PTCHD4: variants seen among roughly 807,000 people sequenced by gnomAD.
PTCHD4 encodes patched domain containing 4, also known as patched domain-containing protein 4.
PTCHD4 carries 33 observed loss-of-function variants against 58.1 expected under a neutral mutation model. That is an observed-to-expected ratio of 0.57 (90% CI 0.43 to 0.76). The LOEUF (loss-of-function observed/expected upper bound fraction) is 0.76. Among genes scored for constraint, PTCHD4 ranks in the 30% least tolerant of loss-of-function variants. The pLI, the probability that PTCHD4 is intolerant of heterozygous loss-of-function variation, is 0.00. For missense variants in PTCHD4, 1,058 were observed against 1,027.1 expected (o/e 1.03, Z -0.41); for synonymous variants, 478 against 409.6 (o/e 1.17, Z -2.02).
chr6:48,050,037 G>A (rs1764174961), intron 3 of PTCHD4, among the ~76,000 whole-genome samples: 1 of 151,808 alleles, frequency 6.6e-6, no homozygotes, highest in Non-Finnish European at 1.5e-5. Context: ...ATGAAAACTA[G>A]GTATCAACAT....
intron 4 of PTCHD4, among the ~76,000 whole-genome samples, chr6:47,967,192 A>T (rs1176103253): frequency 6.6e-6 from 1 of 152,220 alleles, no homozygotes; most frequent in Non-Finnish European, 1.5e-5. Flanking sequence ...TAAGCATACA[A>T]ACAATAATCA....
intron 1 of PTCHD4, among the ~76,000 whole-genome samples, chr6:48,097,265 CA>C (rs1289875218): frequency 2.0e-5 from 3 of 151,908 alleles, no homozygotes; most frequent in African/African-American, 4.8e-5. Flanking sequence ...AAATAATTAA[CA>C]GATCTTTTTA....
intron 4 of PTCHD4, among the ~76,000 whole-genome samples, chr6:47,921,169 A>G (rs1765420427): frequency 1.3e-5 from 2 of 152,214 alleles, no homozygotes. Context: ...CACTGCTTCA[A>G]GATAGTTATT....
At chr6:48,080,033 G>C (rs1466099194) in intron 1 of PTCHD4, among the ~76,000 whole-genome samples, 1 of 121,044 alleles carries the variant, frequency 8.3e-6, no homozygotes, top group Admixed American at 1.1e-4. Context: ...TGAGAGGAAA[G>C]AAATAGAAGA....
intron 1 of PTCHD4, among the ~76,000 whole-genome samples, chr6:48,089,565 GATT>G (rs1765325765): frequency 6.6e-6 from 1 of 152,148 alleles, no homozygotes; most frequent in African/African-American, 2.4e-5. Context: ...CTAATGTATA[GATT>G]ATTGTTTTAA....
chr6:48,014,608 C>G (rs953747676), intron 3 of PTCHD4, among the ~76,000 whole-genome samples: 6 of 152,038 alleles, frequency 3.9e-5, no homozygotes, highest in Non-Finnish European at 7.4e-5. Context: ...CAAATGTTTA[C>G]ATAATAATTA....
rs1763637045 is a variant in PTCHD4 at position 48,036,365 on chromosome 6, G to C, written c.418-27251C>G. Among the ~76,000 whole-genome samples, 3 of 152,076 alleles carry C rather than the reference G, an allele frequency of 2.0e-5. No individual in the cohort carries two copies. In the South Asian group the frequency reaches 6.2e-4, roughly 32 times the overall value. On this transcript the variant is annotated intron_variant, in intron 3 of 4. Coordinates refer to ENST00000339488, the MANE Select transcript of PTCHD4 (RefSeq NM_001384253.1). ...CTCATCCACAGTTTCACATTGTGCA[G>C]TTTCAGTTTCCTGTGGTCAAGTATG...
chr6:47,913,606 T>C (rs1239770487), intron 4 of PTCHD4, among the ~76,000 whole-genome samples: 1 of 152,116 alleles, frequency 6.6e-6, no homozygotes, highest in Non-Finnish European at 1.5e-5. Context: ...GTTAGATTGG[T>C]GTAGATAAAA....
intron 3 of PTCHD4, among the ~76,000 whole-genome samples, chr6:48,017,898 G>C (rs1443942483): frequency 2.0e-5 from 3 of 152,252 alleles, no homozygotes; most frequent in East Asian, 1.9e-4. Context: ...GCCTTGCTTA[G>C]AGTCCCAAAC....
chr6:47,864,086 A>G lies in PTCHD4; in HGVS notation c.*14217T>C, dbSNP rs958025684. On this transcript the variant is annotated 3_prime_UTR_variant, in exon 5 of 5. Coordinates refer to ENST00000339488, the MANE Select transcript of PTCHD4 (RefSeq NM_001384253.1). The stretch of plus-strand genomic sequence containing the variant: ...CTGTTCACAAACTTAGATTTCAGAG[A>G]TTTTCAAAGTCCAAGTGTGGTTCCT... 2.0e-5 allele frequency among the ~76,000 whole-genome samples: 3 copies of G among 151,900 alleles called. No individual in the cohort carries two copies. Among genetic ancestry groups the G allele is most frequent in the African/African-American group, 4.8e-5 (2 of 41,406 alleles).
At chr6:48,046,754 A>G (rs1280428701) in intron 3 of PTCHD4, among the ~76,000 whole-genome samples, 1 of 151,876 alleles carries the variant, frequency 6.6e-6, no homozygotes, top group Non-Finnish European at 1.5e-5. Context: ...TTCAAATAAA[A>G]TAAAATGCAC....
intron 4 of PTCHD4, among the ~76,000 whole-genome samples, chr6:47,921,503 C>T (rs1353784714): frequency 6.6e-6 from 1 of 152,164 alleles, no homozygotes; most frequent in African/African-American, 2.4e-5. Context: ...ATATTTCTCA[C>T]TCTCTTTTGC....
chr6:47,897,677 G>C (rs1764565529), intron 4 of PTCHD4, among the ~76,000 whole-genome samples: 1 of 152,102 alleles, frequency 6.6e-6, no homozygotes, highest in Non-Finnish European at 1.5e-5. Flanking sequence ...GCTTTACCAA[G>C]GACTTTGGGC....
chr6:47,879,916 A>T lies in PTCHD4; in HGVS notation c.919T>A (p.Phe307Ile). 1 of 1,559,468 alleles carries T rather than the reference A, an allele frequency of 6.4e-7. No homozygotes were observed. The highest frequency in any genetic ancestry group is 1.2e-5 in the South Asian group (1 of 84,672). Residue 307 changes from phenylalanine to isoleucine, a missense_variant, in exon 5 of 5, where the codon TTT becomes ATT. By Grantham distance (21) the Phe-to-Ile change is conservative (BLOSUM62 0). Coordinates refer to ENST00000339488, the MANE Select transcript of PTCHD4 (RefSeq NM_001384253.1). Reference protein sequence around the residue: ...FAMGHGTKGVFELLSGWRRTK... With the variant: ...FAMGHGTKGVIELLSGWRRTK... ...CTCCGCCATCCGGACAGAAGCTCAA[A>T]CACTCCTTTAGTTCCATGACCTAAT... is the stretch of plus-strand genomic sequence containing the variant.
At chr6:48,064,258 A>G (rs12196066) in intron 3 of PTCHD4, among the ~76,000 whole-genome samples, 10,923 of 152,202 alleles carry the variant, frequency 0.072, 447 homozygotes, top group South Asian at 0.097. Flanking sequence ...TGCAGCTAAA[A>G]TAAAGAACTG....
At chr6:47,915,172 G>T (rs891417343) in intron 4 of PTCHD4, among the ~76,000 whole-genome samples, 9 of 152,002 alleles carry the variant, frequency 5.9e-5, no homozygotes, top group African/African-American at 1.9e-4. Flanking sequence ...CCATAAAAAG[G>T]GTTGCCTCAG....
intron 4 of PTCHD4, among the ~76,000 whole-genome samples, chr6:47,976,048 G>A (rs935688849): frequency 1.3e-5 from 2 of 152,058 alleles, no homozygotes; most frequent in African/African-American, 2.4e-5. Context: ...AATTGCTTAT[G>A]TTTTCTGCTT....
chr6:47,992,225 T>C (rs916527574), intron 4 of PTCHD4, among the ~76,000 whole-genome samples: 5 of 152,156 alleles, frequency 3.3e-5, no homozygotes, highest in Admixed American at 3.3e-4. Flanking sequence ...AACACCACTT[T>C]ATGCTGATAA....
At chr6:47,984,891 G>A (rs1370385822) in intron 4 of PTCHD4, among the ~76,000 whole-genome samples, 1 of 152,010 alleles carries the variant, frequency 6.6e-6, no homozygotes, top group Non-Finnish European at 1.5e-5. Context: ...TATAAGTCAA[G>A]ATTTTATGTA....
Sources: allele counts gnomAD v4.1 joint callset (sites outside exome capture counted in the v4.1 genomes callset), GRCh38; gene constraint gnomAD v4.1.1; transcripts MANE v1.5; gene names NCBI Gene and HGNC (gene_info 2026-07-23, HGNC 2026-07-21).